Variants in THSD7B observed in about 807,000 individuals in gnomAD.
THSD7B encodes the protein thrombospondin type-1 domain-containing protein 7B.
In THSD7B, 138 loss-of-function variants were observed where a neutral mutation model predicts 213.6. The ratio of observed to expected loss-of-function variants is 0.65; its 90% CI spans 0.56 to 0.74. The LOEUF (loss-of-function observed/expected upper bound fraction) is 0.74. THSD7B is among the 30% of genes least tolerant of loss of function. THSD7B has a pLI of 0.00. For synonymous variants in THSD7B, 742 were observed against 687.0 expected (o/e 1.08, Z -1.25); for missense variants, 1,931 against 1,991.5 (o/e 0.97, Z 0.58).
intron 2 of THSD7B, among the ~76,000 whole-genome samples, chr2:136,956,340 A>G (rs1287493102): frequency 6.6e-6 from 1 of 152,174 alleles, no homozygotes; most frequent in African/African-American, 2.4e-5. Flanking sequence ...AATGGAGAGC[A>G]TGGTGGTGTG....
chr2:137,216,627 A>G (rs1390373630), intron 7 of THSD7B, among the ~76,000 whole-genome samples: 3 of 152,244 alleles, frequency 2.0e-5, no homozygotes, highest in East Asian at 3.9e-4. Flanking sequence ...CCAAGGATGG[A>G]TTTGGCATGC....
intron 2 of THSD7B, among the ~76,000 whole-genome samples, chr2:137,052,797 A>G (rs1444369264): frequency 2.0e-5 from 3 of 152,146 alleles, no homozygotes; most frequent in Admixed American, 6.6e-5. Flanking sequence ...GCCAAATACA[A>G]CTGAATAAAT....
intron 1 of THSD7B, among the ~76,000 whole-genome samples, chr2:136,866,614 T>C (rs180771530): frequency 7.2e-5 from 11 of 152,346 alleles, no homozygotes; most frequent in Non-Finnish European, 1.6e-4. Flanking sequence ...TCTTTAAGAA[T>C]TGTACCTAAT....
At chr2:136,959,898 A>G (rs1278567050) in intron 2 of THSD7B, among the ~76,000 whole-genome samples, 1 of 152,226 alleles carries the variant, frequency 6.6e-6, no homozygotes, top group Non-Finnish European at 1.5e-5. Flanking sequence ...AGTTGAGGAA[A>G]AGGACCAGGA....
At chr2:137,610,696 A>G (rs1408022873) in intron 17 of THSD7B, among the ~76,000 whole-genome samples, 2 of 152,086 alleles carry the variant, frequency 1.3e-5, no homozygotes, top group African/African-American at 2.4e-5. Flanking sequence ...CTCCATACCC[A>G]TTTCTATGGG....
chr2:136,981,991 T>C (rs183096536), intron 2 of THSD7B, among the ~76,000 whole-genome samples: 2 of 152,164 alleles, frequency 1.3e-5, no homozygotes, highest in African/African-American at 2.4e-5. Flanking sequence ...TCTAGGGAGA[T>C]TGACATAAAT....
intron 6 of THSD7B, among the ~76,000 whole-genome samples, chr2:137,167,852 A>G (rs1213944822): frequency 1.3e-5 from 2 of 152,148 alleles, no homozygotes; most frequent in Admixed American, 6.6e-5. Context: ...AGTACCTTCA[A>G]CTAAACCACG....
At chr2:137,164,501 A>G (rs1343536996) in intron 6 of THSD7B, among the ~76,000 whole-genome samples, 1 of 149,558 alleles carries the variant, frequency 6.7e-6, no homozygotes, top group African/African-American at 2.6e-5. Context: ...AGCTAGAAAT[A>G]CCATTTGACC....
intron 1 of THSD7B, among the ~76,000 whole-genome samples, chr2:136,811,262 A>AT (rs1682370029): frequency 1.3e-5 from 2 of 151,922 alleles, no homozygotes; most frequent in Non-Finnish European, 1.5e-5. Flanking sequence ...ATTTTATTTT[A>AT]TTTTTACAAA....
At chr2:136,865,282 A>G (rs1164625168) in intron 1 of THSD7B, among the ~76,000 whole-genome samples, 2 of 152,208 alleles carry the variant, frequency 1.3e-5, no homozygotes, top group Admixed American at 1.3e-4. Flanking sequence ...CTGAGAAGAG[A>G]CAAGGCTTGG....
chr2:136,971,558 A>T (rs1383704793), intron 2 of THSD7B, among the ~76,000 whole-genome samples: 1 of 151,724 alleles, frequency 6.6e-6, no homozygotes, highest in Non-Finnish European at 1.5e-5. Context: ...AGAAAAGAAA[A>T]TGTAATTATT....
intron 15 of THSD7B, among the ~76,000 whole-genome samples, chr2:137,486,241 C>A (rs1688440179): frequency 6.6e-6 from 1 of 151,876 alleles, no homozygotes; most frequent in Admixed American, 6.6e-5. Flanking sequence ...GTACTGTATT[C>A]AGGAAACCCA....
chr2:136,995,408 G>C (rs1238683394), intron 2 of THSD7B, among the ~76,000 whole-genome samples: 1 of 152,080 alleles, frequency 6.6e-6, no homozygotes, highest in Non-Finnish European at 1.5e-5. Flanking sequence ...CTCACCTCTT[G>C]CTTCTCCAAG....
At chr2:137,000,595 T>G (rs574469458) in intron 2 of THSD7B, among the ~76,000 whole-genome samples, 2 of 152,226 alleles carry the variant, frequency 1.3e-5, no homozygotes. Context: ...TATAATTGGC[T>G]CTATATTTTA....
chr2:137,623,512 TC>T (rs1417005087), intron 20 of THSD7B, among the ~76,000 whole-genome samples: 6 of 152,156 alleles, frequency 3.9e-5, no homozygotes, highest in African/African-American at 1.4e-4. Flanking sequence ...TAAAGGGTAT[TC>T]AATTAGGAAA....
intron 1 of THSD7B, among the ~76,000 whole-genome samples, chr2:136,805,693 TG>T (rs1198369325): frequency 6.6e-6 from 1 of 152,208 alleles, no homozygotes; most frequent in Non-Finnish European, 1.5e-5. Context: ...TGATTGGGTT[TG>T]GCTAGTAGGG....
At chr2:137,210,939 A>G (rs139324319) in intron 7 of THSD7B, among the ~76,000 whole-genome samples, 134 of 152,054 alleles carry the variant, frequency 8.8e-4, no homozygotes, top group African/African-American at 3.1e-3. Flanking sequence ...AGAATAATTC[A>G]TTTGGGGGAA....
At chr2:137,519,512 A>G (rs1044047342) in intron 15 of THSD7B, among the ~76,000 whole-genome samples, 1 of 152,148 alleles carries the variant, frequency 6.6e-6, no homozygotes, top group African/African-American at 2.4e-5. Context: ...TGCTATCACT[A>G]TAGGAGGGTT....
In THSD7B at chr2:137,546,399, ATATATT is replaced by A. The variant is rs1558834255; in HGVS notation, c.3139-16821_3139-16816del. ...ATAATATATATATTATATATATTAT[ATATATT>A]ATATATATATTATATATATTATATA... On this transcript the variant is annotated intron_variant, in intron 15 of 27. Transcript: ENST00000409968. Among the ~76,000 whole-genome samples, 131 of 43,130 alleles carry A rather than the reference ATATATT, an allele frequency of 3.0e-3. 18 individuals are homozygous for A. Among genetic ancestry groups the A allele is most frequent in the African/African-American group, 9.9e-3 (71 of 7,140 alleles). The allele number at this position is 43,130 out of a possible 152,430, so 28.3% of individuals were successfully genotyped here. A position where few individuals can be genotyped will look rare whatever the true frequency, so the allele number is the denominator to read the frequency against.
Sources: allele counts gnomAD v4.1 joint callset (sites outside exome capture counted in the v4.1 genomes callset), GRCh38; gene constraint gnomAD v4.1.1; transcripts MANE v1.5; gene names NCBI Gene and HGNC (gene_info 2026-07-23, HGNC 2026-07-21).